MTMR14: variants seen among roughly 807,000 people sequenced by gnomAD.
MTMR14 encodes myotubularin related protein 14.
Under a neutral mutation model 86.3 loss-of-function variants are expected in MTMR14, and 48 were observed. That is an observed-to-expected ratio of 0.56 (90% CI 0.44 to 0.71). The LOEUF is 0.71. Ranked by LOEUF, MTMR14 falls within the 30% of genes least tolerant of loss-of-function variation. The pLI is 0.00. For missense variants in MTMR14, 780 were observed against 834.6 expected (o/e 0.93, Z 0.81); for synonymous variants, 366 against 326.1 (o/e 1.12, Z -1.32).
At chr3:9,663,809 G>C (rs563999100) in intron 3 of MTMR14, among the ~76,000 whole-genome samples, 1 of 150,546 alleles carries the variant, frequency 6.6e-6, no homozygotes, top group Non-Finnish European at 1.5e-5. Flanking sequence ...CACCGCGCAC[G>C]GCCTGGAGTC....
chr3:9,692,202 T>C (rs1414381459), intron 17 of MTMR14, among the ~76,000 whole-genome samples: 1 of 152,186 alleles, frequency 6.6e-6, no homozygotes, highest in Non-Finnish European at 1.5e-5. Context: ...GCCAAAATTC[T>C]CCTAATGTGA....
chr3:9,671,916 A>G (rs1052513963), intron 6 of MTMR14, among the ~76,000 whole-genome samples: 36 of 152,318 alleles, frequency 2.4e-4, no homozygotes, highest in African/African-American at 8.7e-4. Flanking sequence ...GAGCTCACCT[A>G]TCTTCAGATC....
Position 9,701,499 on chromosome 3 carries a change from G to A in MTMR14, c.1770-291G>A. On this transcript the variant is annotated intron_variant, in intron 18 of 18. Transcript: ENST00000296003. The surrounding 1 kb of genome is among the most constrained non-coding windows in gnomAD (Gnocchi z 4.2). ...ATTGTGTCACTGCATTCCAGCCTGG[G>A]CAATAGAGTGAGACCTTGTCTCAAG... The A allele has an allele frequency of 2.2e-6, 1 of 448,220 alleles. No homozygotes were observed. The highest frequency in any genetic ancestry group is 4.1e-6 in the Non-Finnish European group (1 of 242,354). The allele number at this position is 448,220 out of a possible 1,614,324, so 27.8% of individuals were successfully genotyped here. A position where few individuals can be genotyped will look rare whatever the true frequency, so the allele number is the denominator to read the frequency against.
At chr3:9,682,772 G>C (rs1268931283) in intron 9 of MTMR14, among the ~76,000 whole-genome samples, 4 of 152,234 alleles carry the variant, frequency 2.6e-5, no homozygotes, top group African/African-American at 9.7e-5. Context: ...GCCATTTGGA[G>C]ACATTGGCTA....
chr3:9,687,805 CT>C lies in MTMR14; in HGVS notation c.1165-13del. ...TTGGTTCTTCTCATTGTGCGCTGCT[CT>C]TTGGTCTCCTTTAGATTTTCTTCTT... On this transcript the variant is annotated splice_polypyrimidine_tract_variant and intron_variant, in intron 13 of 18. Coordinates refer to ENST00000296003, the MANE Select transcript of MTMR14 (RefSeq NM_001077525.3). 1 of 1,564,138 alleles carries C rather than the reference CT, an allele frequency of 6.4e-7. No individual in the cohort carries two copies.
chr3:9,676,746 C>T (rs190231767), intron 7 of MTMR14, among the ~76,000 whole-genome samples: 1 of 152,270 alleles, frequency 6.6e-6, no homozygotes, highest in Admixed American at 6.5e-5. Context: ...GATTTTTCCA[C>T]CAAAGAATAT....
intron 18 of MTMR14, chr3:9,699,680 CCT>C (rs1415065138): frequency 6.6e-6 from 1 of 152,240 alleles, no homozygotes; most frequent in African/African-American, 2.4e-5. Flanking sequence ...GGTCACATAA[CCT>C]CTCCTCTTTT....
chr3:9,651,204 C>T (rs186142717), intron 1 of MTMR14, among the ~76,000 whole-genome samples: 14 of 152,186 alleles, frequency 9.2e-5, no homozygotes, highest in African/African-American at 4.8e-5. Flanking sequence ...TGGGTTTGAG[C>T]GATCCTCCCA....
rs2125194629 is a variant in MTMR14 at position 9,677,453 on chromosome 3, A to G, written c.822+66A>G. The stretch of plus-strand genomic sequence containing the variant: ...TTGTAAAGGGAGGCCAAGGAGAACA[A>G]CAAGCAGTCTTTGGGGAAAACAACA... On this transcript the variant is annotated intron_variant, in intron 8 of 18. Transcript: ENST00000296003. This position sits in a 1 kb window ranked among gnomAD's most constrained non-coding sequence, Gnocchi z 4.2. 5 of 1,404,324 alleles carry G rather than the reference A, an allele frequency of 3.6e-6. 1 individual carries two copies. In the South Asian group the frequency reaches 5.8e-5, roughly 16 times the overall value. 87.0% of individuals were successfully genotyped at this position (1,404,324 alleles called of 1,614,324 possible). A position where few individuals can be genotyped will look rare whatever the true frequency, so the allele number is the denominator to read the frequency against.
intron 13 of MTMR14, among the ~76,000 whole-genome samples, chr3:9,686,005 A>T (rs2075937307): frequency 6.6e-6 from 1 of 152,046 alleles, no homozygotes; most frequent in Non-Finnish European, 1.5e-5. Flanking sequence ...CCACGGTGTC[A>T]GCTCCTTCTC....
chr3:9,688,916 G>C, intron 15 of MTMR14, 28 bp from the exon 16 acceptor site: 3 of 1,613,626 alleles, frequency 1.9e-6, no homozygotes, highest in Non-Finnish European at 2.5e-6. Flanking sequence ...AAGGTAACAC[G>C]CTGACTGATG....
intron 9 of MTMR14, among the ~76,000 whole-genome samples, chr3:9,680,511 A>C (rs1035094600): frequency 6.6e-6 from 1 of 152,210 alleles, no homozygotes; most frequent in South Asian, 2.1e-4. Context: ...ACCCAGCTCC[A>C]TGCAGTCTGG....
At chr3:9,662,207 A>C in intron 2 of MTMR14, 60 bp from the exon 3 acceptor site, 1 of 1,251,612 alleles carries the variant, frequency 8.0e-7, no homozygotes, top group Non-Finnish European at 1.2e-6. Flanking sequence ...GAATAAACAC[A>C]TATACACAAA....
At position 9,653,610 on chromosome 3, in the gene MTMR14, TCTC is replaced by T; in HGVS notation, c.160-10_160-8del. ...AATTCTCTTTGTGTTCTGGTCTCCT[TCTC>T]TGTGCAGGTTGAGCGCATTGAGAAG... On this transcript the variant is annotated splice_polypyrimidine_tract_variant and splice_region_variant and intron_variant, in intron 1 of 18. Coordinates refer to ENST00000296003, the MANE Select transcript of MTMR14 (RefSeq NM_001077525.3). The T allele has an allele frequency of 1.2e-6, 2 of 1,614,058 alleles. No homozygotes were observed. Among genetic ancestry groups the T allele is most frequent in the Non-Finnish European group, 1.7e-6 (2 of 1,180,006 alleles).
At chr3:9,697,989 C>T in intron 18 of MTMR14, 123 bp downstream of exon 18, 2 of 1,361,338 alleles carry the variant, frequency 1.5e-6, no homozygotes, top group South Asian at 1.2e-5. Context: ...CCTGCCCTCC[C>T]CTCTCTCAGC....
intron 6 of MTMR14, among the ~76,000 whole-genome samples, chr3:9,672,360 C>T (rs898371241): frequency 2.6e-5 from 4 of 152,192 alleles, no homozygotes; most frequent in African/African-American, 9.6e-5. Flanking sequence ...CTGCTTCAGC[C>T]TCCTGAGTAG....
At chr3:9,676,908 G>GA (rs1397162313) in intron 7 of MTMR14, among the ~76,000 whole-genome samples, 1 of 152,256 alleles carries the variant, frequency 6.6e-6, no homozygotes, top group Non-Finnish European at 1.5e-5. Flanking sequence ...CCATTTTAGA[G>GA]AAGAGGAAGA....
intron 16 of MTMR14, 151 bp from the exon 17 acceptor site, chr3:9,689,813 T>A (rs1051858275): frequency 2.8e-6 from 2 of 726,456 alleles, no homozygotes; most frequent in Non-Finnish European, 2.3e-6. Flanking sequence ...CTGCTGCCCA[T>A]GGCCCTGAGC....
chr3:9,689,652 G>C (rs775374248), intron 16 of MTMR14, among the ~76,000 whole-genome samples: 1 of 152,154 alleles, frequency 6.6e-6, no homozygotes, highest in African/African-American at 2.4e-5. Context: ...AGCATAATGA[G>C]ACCCCGTCTT....
Sources: gnomAD v4.1 joint callset for allele counts (sites outside exome capture counted in the v4.1 genomes callset) on GRCh38, gnomAD v4.1.1 for gene constraint, Gnocchi (gnomAD v3.1) non-coding constraint, MANE v1.5 for transcripts, NCBI Gene and HGNC (gene_info 2026-07-23, HGNC 2026-07-21) for gene names.